The following JMJD1C variants were observed in gnomAD, a reference collection of about 807,000 sequenced individuals.
The protein encoded by JMJD1C is jumonji domain containing 1C.
Under a neutral mutation model 245.3 loss-of-function variants are expected in JMJD1C, and 31 were observed. That is an observed-to-expected ratio of 0.13 (90% confidence interval 0.09 to 0.17). JMJD1C has a LOEUF of 0.17. JMJD1C is among the 10% of genes least tolerant of loss of function. The pLI is 1.00. For missense variants in JMJD1C, 2,691 were observed against 3,000.2 expected (o/e 0.90, Z 2.41); for synonymous variants, 1,057 against 1,017.4 (o/e 1.04, Z -0.74).
chr10:63,429,293 T>C (rs1310997472), intron 1 of JMJD1C, among the ~76,000 whole-genome samples: 3 of 151,992 alleles, frequency 2.0e-5, no homozygotes, highest in Admixed American at 2.0e-4. Flanking sequence ...AGGTCTTTTT[T>C]AACTCAGGGG....
intron 2 of JMJD1C, among the ~76,000 whole-genome samples, chr10:63,356,079 ATAGTGT>A (rs1473547950): frequency 6.6e-6 from 1 of 152,230 alleles, no homozygotes; most frequent in Non-Finnish European, 1.5e-5. Context: ...AAATTAAAAG[ATAGTGT>A]TAGGGTTACA....
chr10:63,424,150 TGACTGAAGG>T (rs1356961523), intron 1 of JMJD1C, among the ~76,000 whole-genome samples: 1 of 152,104 alleles, frequency 6.6e-6, no homozygotes, highest in Non-Finnish European at 1.5e-5. Flanking sequence ...TGGACTGAAG[TGACTGAAGG>T]TGTAAACCTC....
chr10:63,411,085 T>C (rs538173162), intron 1 of JMJD1C, among the ~76,000 whole-genome samples: 1 of 152,156 alleles, frequency 6.6e-6, no homozygotes. Context: ...GAATCTAATA[T>C]ATTAAGTTTC....
At chr10:63,174,856 CAAAA>C (rs544500537) in intron 24 of JMJD1C, among the ~76,000 whole-genome samples, 15 of 141,146 alleles carry the variant, frequency 1.1e-4, no homozygotes, top group Admixed American at 5.7e-4. Context: ...AAACAAAAAA[CAAAA>C]AAAAAAACTG....
intron 24 of JMJD1C, among the ~76,000 whole-genome samples, chr10:63,170,672 G>A (rs1842263577): frequency 6.6e-6 from 1 of 152,130 alleles, no homozygotes; most frequent in Non-Finnish European, 1.5e-5. Flanking sequence ...CCAGCTTATG[G>A]TTGTTTTAAA....
At chr10:63,405,156 G>C (rs750892031) in intron 1 of JMJD1C, among the ~76,000 whole-genome samples, 1 of 151,938 alleles carries the variant, frequency 6.6e-6, no homozygotes, top group Non-Finnish European at 1.5e-5. Context: ...TTCATTTTTA[G>C]CACCTCAATT....
At chr10:63,343,994 C>T (rs535422467) in intron 2 of JMJD1C, among the ~76,000 whole-genome samples, 1 of 152,198 alleles carries the variant, frequency 6.6e-6, no homozygotes, top group Admixed American at 6.5e-5. Context: ...GCCAAGACAG[C>T]AACACTACAC....
intron 2 of JMJD1C, among the ~76,000 whole-genome samples, chr10:63,341,064 T>C (rs1015863279): frequency 6.6e-6 from 1 of 152,218 alleles, no homozygotes; most frequent in African/African-American, 2.4e-5. Flanking sequence ...ATTAAAAGAA[T>C]GAATCCAACA....
chr10:63,506,845 G>A (rs1954733717), intron 1 of JMJD1C, among the ~76,000 whole-genome samples: 1 of 152,152 alleles, frequency 6.6e-6, no homozygotes. Flanking sequence ...TTTGACATAT[G>A]TATAATGACA....
At chr10:63,287,002 C>T (rs1412890286) in intron 2 of JMJD1C, among the ~76,000 whole-genome samples, 1 of 152,078 alleles carries the variant, frequency 6.6e-6, no homozygotes, top group Non-Finnish European at 1.5e-5. Flanking sequence ...AATCATTCAA[C>T]AAAAAATTTA....
chr10:63,303,516 G>C (rs1301831979), intron 2 of JMJD1C, among the ~76,000 whole-genome samples: 1 of 152,182 alleles, frequency 6.6e-6, no homozygotes, highest in Non-Finnish European at 1.5e-5. Flanking sequence ...ATGTTGGCCA[G>C]GCTGGTCTCG....
chr10:63,281,382 A>G (rs1308210066), intron 2 of JMJD1C, among the ~76,000 whole-genome samples: 1 of 133,780 alleles, frequency 7.5e-6, no homozygotes, highest in Non-Finnish European at 1.6e-5. Flanking sequence ...ACTGGTTTTG[A>G]ACTCCTGACC....
rs1183521183 is a variant in JMJD1C, at chr10:63,465,717, A to C, written c.-55T>G. 3.2e-6 allele frequency: 5 copies of C among 1,586,986 alleles called. No individual in the cohort carries two copies. The East Asian group carries it at 1.1e-4, about 35-fold the overall frequency. ...CCTCCAGTGCGAGGGAACCGATGAA[A>C]CCTCACTCCTACCGGCCGCTCATGC... On this transcript the variant is annotated 5_prime_UTR_variant, in exon 1 of 26. Coordinates refer to ENST00000399262, the MANE Select transcript of JMJD1C (RefSeq NM_032776.3).
intron 22 of JMJD1C, among the ~76,000 whole-genome samples, chr10:63,182,776 ATGTT>A: frequency 6.6e-6 from 1 of 152,252 alleles, no homozygotes; most frequent in Non-Finnish European, 1.5e-5. Context: ...GGAAAAAAGA[ATGTT>A]TGAGTCACAA....
intron 3 of JMJD1C, among the ~76,000 whole-genome samples, chr10:63,248,529 G>GATAAATAAATAAATAA (rs373943626): frequency 7.2e-4 from 99 of 137,052 alleles, no homozygotes; most frequent in African/African-American, 2.2e-3. Flanking sequence ...TCAATAGATA[G>GATAAATAAATAAATAA]ATAAATAAAT....
At position 63,274,655 on chromosome 10, in the gene JMJD1C, C is replaced by T. The variant is rs148722234; in HGVS notation, c.334-9891G>A. Among the ~76,000 whole-genome samples, 489 of 152,188 alleles carry T rather than the reference C, an allele frequency of 3.2e-3. 2 individuals carry two copies. The highest frequency in any genetic ancestry group is 0.011 in the African/African-American group (474 of 41,536). ...CTTGTGTATCACAGTTTCAAACCTT[C>T]AATAGTCTATGATTTCTACAAGGAT... On this transcript the variant is annotated intron_variant, in intron 2 of 25. Transcript: ENST00000399262.
chr10:63,195,246 G>C (rs569263105), intron 13 of JMJD1C, among the ~76,000 whole-genome samples: 25 of 151,916 alleles, frequency 1.6e-4, no homozygotes, highest in Non-Finnish European at 3.2e-4. Context: ...CCAGCTACTT[G>C]GGAGGCTGAG....
At chr10:63,465,142 C>G (rs1953113606) in intron 1 of JMJD1C, 1 of 316,548 alleles carries the variant, frequency 3.2e-6, no homozygotes, top group Non-Finnish European at 5.8e-6. Flanking sequence ...CGCCCCCTAC[C>G]CCCACCTGCC....
chr10:63,191,427 C>T (rs754730111), intron 16 of JMJD1C, among the ~76,000 whole-genome samples: 10 of 152,134 alleles, frequency 6.6e-5, no homozygotes, highest in Non-Finnish European at 1.0e-4. Context: ...AGCCATTGTG[C>T]GCAGCCCTTA....
Sources: allele counts gnomAD v4.1 joint callset (sites outside exome capture counted in the v4.1 genomes callset), GRCh38; gene constraint gnomAD v4.1.1; transcripts MANE v1.5; gene names NCBI Gene and HGNC (gene_info 2026-07-23, HGNC 2026-07-21).